Variants in VAV3 observed in about 807,000 individuals in gnomAD.
VAV3 encodes guanine nucleotide exchange factor VAV3.
In VAV3, 94 loss-of-function variants were observed where a neutral mutation model predicts 131.2. That is an observed-to-expected ratio of 0.72 (90% CI 0.61 to 0.85). The LOEUF (loss-of-function observed/expected upper bound fraction) is 0.85. Among genes scored for constraint, VAV3 ranks in the 40% least tolerant of loss-of-function variants. The pLI is 0.00. For missense variants in VAV3, 939 were observed against 1,002.7 expected, an observed-to-expected ratio of 0.94 and a Z score of 0.86; for synonymous variants, 349 against 342.0, an observed-to-expected ratio of 1.02 and a Z score of -0.22.
chr1:107,612,334 C>A lies in VAV3; in HGVS notation c.1981-2369G>T, dbSNP rs983092965. 2.6e-5 allele frequency among the ~76,000 whole-genome samples: 4 copies of A among 151,982 alleles called. No individual in the cohort carries two copies. The East Asian group carries it at 5.8e-4, about 22-fold the overall frequency. On this transcript the variant is annotated intron_variant, in intron 21 of 26. Transcript: ENST00000370056. Reference sequence around the variant, plus strand: ...ATTTCATCCTTTTTTTGAGAAATTTCTAAGAGGATAGTAATTTTCTCTCAC... The same window carrying A: ...ATTTCATCCTTTTTTTGAGAAATTTATAAGAGGATAGTAATTTTCTCTCAC...
At chr1:107,793,580 C>A (rs1468418615) in intron 2 of VAV3, among the ~76,000 whole-genome samples, 1 of 152,114 alleles carries the variant, frequency 6.6e-6, no homozygotes, top group Non-Finnish European at 1.5e-5. Flanking sequence ...GTGGCAGACA[C>A]AATGCAAGCA....
chr1:107,849,007 A>C (rs1669104296), intron 2 of VAV3, among the ~76,000 whole-genome samples: 1 of 152,136 alleles, frequency 6.6e-6, no homozygotes, highest in Non-Finnish European at 1.5e-5. Flanking sequence ...TAGGAATCCA[A>C]CTTACAAGGG....
chr1:107,741,947 G>C (rs986170177), intron 15 of VAV3, among the ~76,000 whole-genome samples: 1 of 152,176 alleles, frequency 6.6e-6, no homozygotes, highest in African/African-American at 2.4e-5. Flanking sequence ...CAGACTACTA[G>C]AAAGAAACAT....
At chr1:107,594,655 C>T (rs539019285) in intron 25 of VAV3, among the ~76,000 whole-genome samples, 74 of 152,192 alleles carry the variant, frequency 4.9e-4, no homozygotes, top group African/African-American at 1.8e-3. Flanking sequence ...TTAAATACTT[C>T]ATTAAACATG....
At chr1:107,893,745 A>G (rs1201537080) in intron 1 of VAV3, among the ~76,000 whole-genome samples, 2 of 152,198 alleles carry the variant, frequency 1.3e-5, no homozygotes, top group African/African-American at 2.4e-5. Flanking sequence ...GGGTGGGGAC[A>G]CAGCCAAACT....
chr1:107,634,353 C>G (rs1233207383), intron 20 of VAV3, among the ~76,000 whole-genome samples: 1 of 151,938 alleles, frequency 6.6e-6, no homozygotes, highest in Non-Finnish European at 1.5e-5. Flanking sequence ...ACAAACCTGA[C>G]AAAAAGAAGA....
intron 2 of VAV3, among the ~76,000 whole-genome samples, chr1:107,847,737 G>T (rs57446262): frequency 6.6e-6 from 1 of 152,094 alleles, no homozygotes; most frequent in African/African-American, 2.4e-5. Context: ...TCAAATCCCT[G>T]CATAGACCAA....
At chr1:107,703,649 A>T (rs1173262195) in intron 17 of VAV3, among the ~76,000 whole-genome samples, 1 of 152,182 alleles carries the variant, frequency 6.6e-6, no homozygotes, top group Non-Finnish European at 1.5e-5. Context: ...CTCCGAAATG[A>T]GCTATTCTCT....
At chr1:107,682,525 G>A (rs1658712974) in intron 19 of VAV3, among the ~76,000 whole-genome samples, 1 of 152,060 alleles carries the variant, frequency 6.6e-6, no homozygotes, top group Non-Finnish European at 1.5e-5. Flanking sequence ...AATTTGTTCT[G>A]TAGTTAAAAG....
intron 1 of VAV3, among the ~76,000 whole-genome samples, chr1:107,957,797 G>C (rs1251736142): frequency 6.6e-6 from 1 of 151,514 alleles, no homozygotes; most frequent in Non-Finnish European, 1.5e-5. Context: ...ACAATCCACT[G>C]TATTTGAAAA....
chr1:107,578,261 T>G (rs1649790668), intron 25 of VAV3, among the ~76,000 whole-genome samples: 1 of 152,360 alleles, frequency 6.6e-6, no homozygotes, highest in African/African-American at 2.4e-5. Context: ...AAGTATACTC[T>G]TGTTGATAAT....
chr1:107,667,208 G>C (rs567121189), intron 19 of VAV3, among the ~76,000 whole-genome samples: 1 of 152,250 alleles, frequency 6.6e-6, no homozygotes, highest in African/African-American at 2.4e-5. Context: ...TATGGACAAA[G>C]AGCCAGACAC....
intron 1 of VAV3, among the ~76,000 whole-genome samples, chr1:107,957,001 T>C (rs1240311717): frequency 3.9e-5 from 6 of 152,154 alleles, no homozygotes; most frequent in South Asian, 2.1e-4. Context: ...AAAGGATTGT[T>C]GGGTTTTAGG....
chr1:107,930,507 A>G (rs1673377410), intron 1 of VAV3, among the ~76,000 whole-genome samples: 1 of 152,164 alleles, frequency 6.6e-6, no homozygotes, highest in Non-Finnish European at 1.5e-5. Flanking sequence ...ATCAAAGGAA[A>G]ATAATTACCT....
At chr1:107,900,020 T>C (rs916314213) in intron 1 of VAV3, among the ~76,000 whole-genome samples, 2 of 152,212 alleles carry the variant, frequency 1.3e-5, no homozygotes. Flanking sequence ...ATACTTAATA[T>C]ATATCAGCAG....
chr1:107,789,146 A>G (rs1666160817), intron 2 of VAV3, among the ~76,000 whole-genome samples: 1 of 152,294 alleles, frequency 6.6e-6, no homozygotes, highest in East Asian at 1.9e-4. Context: ...AGAGTTCCAT[A>G]TGACCTAAAG....
intron 1 of VAV3, among the ~76,000 whole-genome samples, chr1:107,944,595 C>A (rs373070540): frequency 6.6e-6 from 1 of 151,998 alleles, no homozygotes; most frequent in African/African-American, 2.4e-5. Context: ...ATGAACAAAA[C>A]GCAGTTTTTT....
chr1:107,595,591 T>G (rs1406678949), intron 25 of VAV3, among the ~76,000 whole-genome samples: 1 of 152,202 alleles, frequency 6.6e-6, no homozygotes, highest in East Asian at 1.9e-4. Flanking sequence ...AGGAAGATTA[T>G]GTAACATTAA....
At chr1:107,807,113 G>A (rs887801508) in intron 2 of VAV3, among the ~76,000 whole-genome samples, 2 of 152,138 alleles carry the variant, frequency 1.3e-5, no homozygotes, top group South Asian at 2.1e-4. Flanking sequence ...ACAGAAGGAC[G>A]ACTGTACATT....
Sources: gnomAD v4.1 joint callset for allele counts (sites outside exome capture counted in the v4.1 genomes callset) on GRCh38, gnomAD v4.1.1 for gene constraint, MANE v1.5 for transcripts, NCBI Gene and HGNC (gene_info 2026-07-23, HGNC 2026-07-21) for gene names.